The following AFF3 variants were observed in gnomAD, a reference collection of about 807,000 sequenced individuals.
The protein encoded by AFF3 is AF4/FMR2 family member 3.
AFF3 carries 32 observed loss-of-function variants against 129.7 expected under a neutral mutation model. The observed-to-expected ratio is 0.25, with a 90% CI of 0.19 to 0.33. AFF3 has a LOEUF of 0.33. Among genes scored for constraint, AFF3 ranks in the 10% least tolerant of loss-of-function variants. The pLI is 1.00. For missense variants in AFF3, 1,373 were observed against 1,592.0 expected (o/e 0.86, Z 2.34); for synonymous variants, 644 against 635.4 (o/e 1.01, Z -0.20).
chr2:99,556,454 C>CA (rs1418654313), intron 22 of AFF3, among the ~76,000 whole-genome samples: 2 of 152,010 alleles, frequency 1.3e-5, no homozygotes, highest in African/African-American at 2.4e-5. Flanking sequence ...AAAAAAACAA[C>CA]AAAAAAAGAA....
At chr2:99,816,318 G>A (rs1400259522) in intron 8 of AFF3, among the ~76,000 whole-genome samples, 2 of 152,192 alleles carry the variant, frequency 1.3e-5, no homozygotes, top group Non-Finnish European at 2.9e-5. Context: ...TTGTCTGAGA[G>A]TTCTAACATC....
At chr2:99,631,088 G>C (rs1178825862) in intron 13 of AFF3, 1 of 368,860 alleles carries the variant, frequency 2.7e-6, no homozygotes, top group African/African-American at 2.2e-5. Context: ...GGCTCAGGCA[G>C]GGCCTGGCTC....
At chr2:100,006,538 TG>T in intron 7 of AFF3, 93 bp downstream of exon 7, 1 of 1,454,478 alleles carries the variant, frequency 6.9e-7, no homozygotes, top group Non-Finnish European at 9.1e-7. Flanking sequence ...ACCACATCAC[TG>T]AAAAAAAAGA....
intron 7 of AFF3, among the ~76,000 whole-genome samples, chr2:99,944,243 G>A (rs1016753815): frequency 7.9e-5 from 12 of 152,186 alleles, no homozygotes; most frequent in Middle Eastern, 3.2e-3. Flanking sequence ...ATCTGACCAA[G>A]TACGGCCTAT....
chr2:99,571,424 A>G (rs11687732), intron 18 of AFF3, among the ~76,000 whole-genome samples: 3,992 of 152,250 alleles, frequency 0.026, 86 homozygotes, highest in Non-Finnish European at 0.037. Flanking sequence ...TATGGATGGC[A>G]GTGGCTCACA....
At position 99,593,297 on chromosome 2, in the gene AFF3, T is replaced by C. The variant is rs1490859291; in HGVS notation, c.2364A>G (p.Val788=). ...IPEHLPQEPG[V]LSAPATKDSE... is the part of the protein sequence containing the mutation. ...AGTCCTTGGTGGCAGGGGCGCTCAA[T>C]ACCCCTGGCTCCTGGGGCAGGTGTT... Residue 788 remains valine, a synonymous_variant, in exon 15 of 25, where the codon GTA becomes GTG. Transcript: ENST00000672756. 6.2e-6 allele frequency: 10 copies of C among 1,613,882 alleles called. No homozygotes were observed. In the Middle Eastern group the frequency reaches 6.6e-4, roughly 106 times the overall value.
At chr2:99,665,030 A>G (rs1236842146) in intron 12 of AFF3, among the ~76,000 whole-genome samples, 2 of 152,316 alleles carry the variant, frequency 1.3e-5, no homozygotes, top group African/African-American at 2.4e-5. Context: ...GAGGGAGTAG[A>G]GGCCTATGGA....
chr2:99,811,199 A>G (rs1437869780), intron 8 of AFF3, among the ~76,000 whole-genome samples: 1 of 152,208 alleles, frequency 6.6e-6, no homozygotes, highest in Non-Finnish European at 1.5e-5. Flanking sequence ...GGTACAACTC[A>G]GGACCTTATG....
intron 1 of AFF3, among the ~76,000 whole-genome samples, chr2:100,141,281 C>A (rs1692858761): frequency 6.6e-6 from 1 of 152,174 alleles, no homozygotes; most frequent in Non-Finnish European, 1.5e-5. Context: ...ATATGCATAA[C>A]ACCACTAAAC....
intron 22 of AFF3, among the ~76,000 whole-genome samples, chr2:99,556,714 G>T (rs1031257411): frequency 2.0e-5 from 3 of 152,114 alleles, no homozygotes; most frequent in Admixed American, 6.6e-5. Flanking sequence ...TGGAGGACAG[G>T]AGTTCGAGAA....
intron 7 of AFF3, among the ~76,000 whole-genome samples, chr2:99,857,907 A>C (rs1318799607): frequency 2.0e-5 from 3 of 152,290 alleles, no homozygotes; most frequent in Admixed American, 6.5e-5. Context: ...CTGGTTTACC[A>C]CATTATACTG....
At chr2:99,661,908 G>A (rs1171742618) in intron 12 of AFF3, among the ~76,000 whole-genome samples, 2 of 152,158 alleles carry the variant, frequency 1.3e-5, no homozygotes, top group East Asian at 1.9e-4. Context: ...GGAAGGCCAA[G>A]GCAGGGGGAT....
chr2:99,831,334 G>A (rs533126714), intron 8 of AFF3, among the ~76,000 whole-genome samples: 2 of 152,306 alleles, frequency 1.3e-5, no homozygotes, highest in African/African-American at 4.8e-5. Context: ...AAAGTCTGAT[G>A]AATACGTATG....
At chr2:100,053,277 G>GT (rs113988752) in intron 4 of AFF3, among the ~76,000 whole-genome samples, 10 of 152,340 alleles carry the variant, frequency 6.6e-5, no homozygotes, top group African/African-American at 2.4e-4. Flanking sequence ...AAATTCTGCT[G>GT]TTTGACAGTA....
Position 99,763,179 on chromosome 2 carries a change from C to A in AFF3, c.922-10878G>T, listed in dbSNP as rs561060579. 8.5e-5 allele frequency among the ~76,000 whole-genome samples: 13 copies of A among 152,334 alleles called. No individual in the cohort carries two copies. The East Asian group carries it at 2.3e-3, about 27-fold the overall frequency. Reference sequence around the variant, plus strand: ...ATTCTGCCTGTCAATCCATTCCTAGCATTTGTGGGCAAAGACCCAACATCC... The same window carrying A: ...ATTCTGCCTGTCAATCCATTCCTAGAATTTGTGGGCAAAGACCCAACATCC... On this transcript the variant is annotated intron_variant, in intron 8 of 24. Coordinates refer to ENST00000672756, the MANE Select transcript of AFF3 (RefSeq NM_001386135.1).
At chr2:99,945,972 G>A (rs966288788) in intron 7 of AFF3, among the ~76,000 whole-genome samples, 3 of 152,188 alleles carry the variant, frequency 2.0e-5, no homozygotes, top group Admixed American at 6.5e-5. Context: ...CAATGACTAC[G>A]TATGTGCAAA....
intron 9 of AFF3, among the ~76,000 whole-genome samples, chr2:99,747,552 A>G (rs1681268897): frequency 6.6e-6 from 1 of 152,144 alleles, no homozygotes; most frequent in Non-Finnish European, 1.5e-5. Flanking sequence ...GCAGAGAACC[A>G]GAGATGAGCT....
intron 22 of AFF3, among the ~76,000 whole-genome samples, chr2:99,556,466 T>C (rs756477682): frequency 7.9e-5 from 12 of 151,810 alleles, no homozygotes; most frequent in Non-Finnish European, 1.2e-4. Flanking sequence ...AAAAAAGAAG[T>C]CTTGAGTTCT....
At chr2:99,749,709 G>A (rs1030371388) in intron 9 of AFF3, among the ~76,000 whole-genome samples, 1 of 152,318 alleles carries the variant, frequency 6.6e-6, no homozygotes, top group East Asian at 1.9e-4. Flanking sequence ...TTCCACCAAT[G>A]AGATGCCACA....
Sources: allele counts gnomAD v4.1 joint callset (sites outside exome capture counted in the v4.1 genomes callset), GRCh38; gene constraint gnomAD v4.1.1; transcripts MANE v1.5; gene names NCBI Gene and HGNC (gene_info 2026-07-23, HGNC 2026-07-21).